The following DCLK1 variants were observed in gnomAD, a reference collection of about 807,000 sequenced individuals.
DCLK1 encodes the protein serine/threonine-protein kinase DCLK1.
Under a neutral mutation model 86.2 loss-of-function variants are expected in DCLK1, and 16 were observed. That is an observed-to-expected ratio of 0.19 (90% CI 0.13 to 0.28). DCLK1 has a LOEUF of 0.28. Ranked by LOEUF, DCLK1 falls within the 10% of genes least tolerant of loss-of-function variation. The pLI is 1.00. For synonymous variants in DCLK1, 369 were observed against 370.5 expected, an observed-to-expected ratio of 1.00 and a Z score of 0.05; for missense variants, 590 against 940.2, an observed-to-expected ratio of 0.63 and a Z score of 4.87.
chr13:36,062,288 C>A (rs1209045635), intron 3 of DCLK1, among the ~76,000 whole-genome samples: 1 of 152,176 alleles, frequency 6.6e-6, no homozygotes, highest in Non-Finnish European at 1.5e-5. Flanking sequence ...ACTCCTAAAT[C>A]ATCCCCCTTT....
chr13:35,871,393 C>G, intron 4 of DCLK1, 53 bp from the exon 5 acceptor site: 2 of 1,395,852 alleles, frequency 1.4e-6, no homozygotes, highest in Non-Finnish European at 2.0e-6. Context: ...CACACACACA[C>G]CAACTCAAAA....
In DCLK1 at chr13:35,848,144, T is replaced by C. The variant is rs1433773436; in HGVS notation, c.1035+6355A>G. 7 of 985,272 alleles carry C rather than the reference T, an allele frequency of 7.1e-6. No homozygotes were observed. In the African/African-American group the frequency reaches 1.2e-4, roughly 17 times the overall value. The allele number at this position is 985,272 out of a possible 1,614,324, so 61.0% of individuals were successfully genotyped here. On this transcript the variant is annotated intron_variant, in intron 6 of 16. Coordinates refer to ENST00000360631, the MANE Select transcript of DCLK1 (RefSeq NM_001330071.2). ...TCAGAGCGCATTTAAGGATTATCAT[T>C]AGGACAAAACTGCGTGGCTTTTGCT...
intron 3 of DCLK1, among the ~76,000 whole-genome samples, chr13:36,107,966 G>C (rs1009585180): frequency 6.6e-6 from 1 of 152,044 alleles, no homozygotes. Context: ...CAGACTCTAA[G>C]ATCCTGCAGA....
At chr13:35,958,503 C>T (rs918948956) in intron 3 of DCLK1, among the ~76,000 whole-genome samples, 2 of 151,410 alleles carry the variant, frequency 1.3e-5, no homozygotes, top group Admixed American at 6.6e-5. Flanking sequence ...ACCACCATCA[C>T]CACTACTGTA....
intron 10 of DCLK1, among the ~76,000 whole-genome samples, chr13:35,825,441 G>C (rs1268041089): frequency 1.3e-5 from 2 of 152,164 alleles, no homozygotes; most frequent in Admixed American, 6.5e-5. Context: ...CACAAAGGCA[G>C]TTAAGTGCAA....
At chr13:36,018,017 GTTC>G (rs1881613024) in intron 3 of DCLK1, among the ~76,000 whole-genome samples, 1 of 152,126 alleles carries the variant, frequency 6.6e-6, no homozygotes. Flanking sequence ...ACATCACTCA[GTTC>G]TTCTACGGCC....
chr13:36,107,663 T>C (rs1398805444), intron 3 of DCLK1, among the ~76,000 whole-genome samples: 1 of 152,120 alleles, frequency 6.6e-6, no homozygotes, highest in Non-Finnish European at 1.5e-5. Flanking sequence ...ATGTTCTTTA[T>C]AGTATAAATC....
chr13:35,909,597 A>ATG (rs57044533), intron 4 of DCLK1, among the ~76,000 whole-genome samples: 67 of 146,240 alleles, frequency 4.6e-4, no homozygotes, highest in African/African-American at 1.6e-3. Flanking sequence ...CTGTGTGCAT[A>ATG]TGTGTGTGTG....
At chr13:36,020,066 C>A (rs1267893660) in intron 3 of DCLK1, among the ~76,000 whole-genome samples, 1 of 152,128 alleles carries the variant, frequency 6.6e-6, no homozygotes, top group African/African-American at 2.4e-5. Context: ...TTCTCTGTTG[C>A]TCCCTCTCTT....
intron 4 of DCLK1, among the ~76,000 whole-genome samples, chr13:35,911,983 C>T (rs1875064921): frequency 6.6e-6 from 1 of 152,170 alleles, no homozygotes; most frequent in Admixed American, 6.5e-5. Context: ...TCTCTCCAAC[C>T]ATGCTTCCCA....
At chr13:35,911,047 G>T (rs1874992590) in intron 4 of DCLK1, among the ~76,000 whole-genome samples, 1 of 151,082 alleles carries the variant, frequency 6.6e-6, no homozygotes, top group African/African-American at 2.4e-5. Context: ...ACTTTGGGAG[G>T]CAGAGGTGGG....
intron 8 of DCLK1, among the ~76,000 whole-genome samples, chr13:35,828,878 C>G (rs1163892103): frequency 1.3e-5 from 2 of 152,130 alleles, no homozygotes; most frequent in African/African-American, 4.8e-5. Context: ...TGCAATTACA[C>G]TGAAGACTCT....
At chr13:35,875,616 G>T (rs773236469) in intron 4 of DCLK1, among the ~76,000 whole-genome samples, 3 of 152,138 alleles carry the variant, frequency 2.0e-5, no homozygotes, top group Non-Finnish European at 4.4e-5. Context: ...GGAAAAACTT[G>T]TGGCCTCTTA....
chr13:35,995,259 C>T (rs1319590721), intron 3 of DCLK1, among the ~76,000 whole-genome samples: 1 of 152,140 alleles, frequency 6.6e-6, no homozygotes, highest in East Asian at 1.9e-4. Context: ...AAGATACAAT[C>T]CAAATGCCTG....
chr13:36,101,195 A>G (rs188291615), intron 3 of DCLK1, among the ~76,000 whole-genome samples: 187 of 152,330 alleles, frequency 1.2e-3, no homozygotes, highest in African/African-American at 4.0e-3. Context: ...CAGCATGCAC[A>G]TGCACTTTGT....
intron 4 of DCLK1, among the ~76,000 whole-genome samples, chr13:35,903,074 C>T (rs1291064597): frequency 6.6e-6 from 1 of 152,080 alleles, no homozygotes; most frequent in Non-Finnish European, 1.5e-5. Flanking sequence ...TTCTCAGTGA[C>T]AATTATAAAC....
At chr13:35,894,177 C>A (rs1462034056) in intron 4 of DCLK1, among the ~76,000 whole-genome samples, 2 of 151,982 alleles carry the variant, frequency 1.3e-5, no homozygotes, top group African/African-American at 2.4e-5. Flanking sequence ...ATCTGAAATA[C>A]TTCTGGCCCC....
intron 3 of DCLK1, among the ~76,000 whole-genome samples, chr13:36,043,944 T>C (rs566385906): frequency 6.6e-6 from 1 of 152,298 alleles, no homozygotes; most frequent in African/African-American, 2.4e-5. Context: ...GGTTCCCTCT[T>C]GATATAGTCT....
intron 3 of DCLK1, among the ~76,000 whole-genome samples, chr13:35,955,001 G>C (rs1877905275): frequency 6.6e-6 from 1 of 152,094 alleles, no homozygotes; most frequent in Admixed American, 6.6e-5. Context: ...TTATGGAATT[G>C]AAAGTGTATT....
Sources: gnomAD v4.1 joint callset for allele counts (sites outside exome capture counted in the v4.1 genomes callset) on GRCh38, gnomAD v4.1.1 for gene constraint, MANE v1.5 for transcripts, NCBI Gene and HGNC (gene_info 2026-07-23, HGNC 2026-07-21) for gene names.